RORA: variants seen among roughly 807,000 people sequenced by gnomAD.
RORA encodes the protein RAR related orphan receptor A, also known as nuclear receptor ROR-alpha.
Under a neutral mutation model 69.5 loss-of-function variants are expected in RORA, and 7 were observed. That is an observed-to-expected ratio of 0.10 (90% CI 0.06 to 0.19). The LOEUF is 0.19. RORA is among the 10% of genes least tolerant of loss of function. RORA has a pLI of 1.00. For missense variants in RORA, 457 were observed against 663.0 expected (o/e 0.69, Z 3.41); for synonymous variants, 261 against 240.8 (o/e 1.08, Z -0.78).
chr15:61,155,487 C>A (rs1287585017), intron 1 of RORA, among the ~76,000 whole-genome samples: 1 of 152,132 alleles, frequency 6.6e-6, no homozygotes, highest in Non-Finnish European at 1.5e-5. Flanking sequence ...GTGAGGAAAA[C>A]AGAAGGTTAA....
intron 1 of RORA, among the ~76,000 whole-genome samples, chr15:61,148,770 A>C (rs1236035879): frequency 6.6e-6 from 1 of 152,218 alleles, no homozygotes; most frequent in Non-Finnish European, 1.5e-5. Context: ...GTTAATTTAA[A>C]ATTAGATTAG....
chr15:60,579,945 G>A (rs551683917), intron 2 of RORA, among the ~76,000 whole-genome samples: 27 of 152,158 alleles, frequency 1.8e-4, no homozygotes, highest in Non-Finnish European at 3.1e-4. Context: ...CCTTGAGAAA[G>A]CTGCTTTGTA....
intron 1 of RORA, among the ~76,000 whole-genome samples, chr15:61,063,698 T>C (rs866831471): frequency 5.9e-5 from 9 of 152,210 alleles, no homozygotes; most frequent in Non-Finnish European, 1.2e-4. Flanking sequence ...AGATGGTTCA[T>C]GGGTATAAAG....
intron 1 of RORA, among the ~76,000 whole-genome samples, chr15:60,921,174 C>T (rs1475284958): frequency 6.6e-6 from 1 of 152,200 alleles, no homozygotes; most frequent in African/African-American, 2.4e-5. Flanking sequence ...TGCAATTCCA[C>T]TGCCAGGATA....
At chr15:60,626,564 G>A (rs2069587266) in intron 2 of RORA, among the ~76,000 whole-genome samples, 1 of 152,158 alleles carries the variant, frequency 6.6e-6, no homozygotes, top group East Asian at 1.9e-4. Context: ...CCAGCATGGT[G>A]CTCAGTGCTT....
At chr15:61,136,443 T>C (rs2079241045) in intron 1 of RORA, among the ~76,000 whole-genome samples, 1 of 152,224 alleles carries the variant, frequency 6.6e-6, no homozygotes, top group Non-Finnish European at 1.5e-5. Flanking sequence ...CATCTACAGT[T>C]ATTATCAACA....
At chr15:61,206,972 T>G (rs2079947731) in intron 1 of RORA, among the ~76,000 whole-genome samples, 1 of 152,218 alleles carries the variant, frequency 6.6e-6, no homozygotes, top group African/African-American at 2.4e-5. Flanking sequence ...AAGATATTAC[T>G]GATACTGTTT....
chr15:60,660,607 C>G (rs1448857172), intron 2 of RORA, among the ~76,000 whole-genome samples: 1 of 152,192 alleles, frequency 6.6e-6, no homozygotes, highest in Non-Finnish European at 1.5e-5. Context: ...AAACTGTCAA[C>G]TCCGACTTTT....
chr15:60,819,743 C>CCACA (rs1191801506), intron 1 of RORA, among the ~76,000 whole-genome samples: 6 of 74,780 alleles, frequency 8.0e-5, no homozygotes, highest in African/African-American at 4.2e-4. Flanking sequence ...GAAGTCAAAC[C>CCACA]CAGACACACA....
intron 1 of RORA, among the ~76,000 whole-genome samples, chr15:60,733,736 A>G (rs906683309): frequency 1.3e-5 from 2 of 152,146 alleles, no homozygotes; most frequent in African/African-American, 4.8e-5. Context: ...AGGTATGATA[A>G]TCAAGCATGG....
intron 2 of RORA, chr15:60,547,887 G>A (rs1047366487): frequency 1.3e-5 from 2 of 152,112 alleles, no homozygotes; most frequent in East Asian, 1.9e-4. Context: ...CAATGTTCAC[G>A]TGGAAGTATA....
chr15:60,883,180 G>GAGAGAGAA lies in RORA; in HGVS notation c.167-204495_167-204494insTTCTCTCT, dbSNP rs141598376. Among the ~76,000 whole-genome samples, 488 of 113,974 alleles carry GAGAGAGAA rather than the reference G, an allele frequency of 4.3e-3. 5 individuals are homozygous for GAGAGAGAA. The highest frequency in any genetic ancestry group is 0.016 in the African/African-American group (469 of 29,558). 74.8% of individuals were successfully genotyped at this position (113,974 alleles called of 152,430 possible). On this transcript the variant is annotated intron_variant, in intron 1 of 10. Coordinates refer to ENST00000335670, the MANE Select transcript of RORA (RefSeq NM_134261.3). ...AGAGAGAGAGAGAGAGAGAGAGAGA[G>GAGAGAGAA]AGAAAGAAAGAAAACCTATATAAAA...
At chr15:61,103,434 T>C (rs1294641817) in intron 1 of RORA, among the ~76,000 whole-genome samples, 1 of 152,164 alleles carries the variant, frequency 6.6e-6, no homozygotes, top group African/African-American at 2.4e-5. Context: ...AAATAATCCA[T>C]GGGGTTAAGA....
intron 1 of RORA, among the ~76,000 whole-genome samples, chr15:60,754,059 A>G (rs2071763116): frequency 6.6e-6 from 1 of 152,228 alleles, no homozygotes; most frequent in African/African-American, 2.4e-5. Context: ...AGTCTGAATA[A>G]GGATGATGTT....
chr15:60,838,138 A>G (rs1185784916), intron 1 of RORA, among the ~76,000 whole-genome samples: 3 of 151,994 alleles, frequency 2.0e-5, no homozygotes, highest in African/African-American at 7.3e-5. Context: ...AAGTGGTGGG[A>G]TGAGCTGTGT....
chr15:60,678,736 T>C, intron 1 of RORA, 50 bp from the exon 2 acceptor site: 3 of 1,479,910 alleles, frequency 2.0e-6, no homozygotes, highest in Non-Finnish European at 2.8e-6. Flanking sequence ...CTGTGTGTGC[T>C]GCTTTGAATG....
rs1359393413 is a variant in RORA at position 60,488,386 on chromosome 15, G to A, written c.*9069C>T. 1 of 152,120 alleles carries A rather than the reference G, an allele frequency of 6.6e-6. No individual in the cohort carries two copies. Among genetic ancestry groups the A allele is most frequent in the African/African-American group, 2.4e-5 (1 of 41,414 alleles). 9.4% of individuals were successfully genotyped at this position (152,120 alleles called of 1,614,324 possible). Reference sequence around the variant, plus strand: ...TTAATAAAGGTAATGTAATATTAAAGGTACAGTTTCTAAGTACAATATAAC... The same window carrying A: ...TTAATAAAGGTAATGTAATATTAAAAGTACAGTTTCTAAGTACAATATAAC... On this transcript the variant is annotated 3_prime_UTR_variant, in exon 11 of 11. Coordinates refer to ENST00000335670, the MANE Select transcript of RORA (RefSeq NM_134261.3).
chr15:60,780,006 A>G (rs1248166671), intron 1 of RORA, among the ~76,000 whole-genome samples: 2 of 152,030 alleles, frequency 1.3e-5, no homozygotes, highest in African/African-American at 2.4e-5. Flanking sequence ...TATACATCTC[A>G]TGGAAGTAAG....
At chr15:60,941,940 G>C (rs1346435479) in intron 1 of RORA, among the ~76,000 whole-genome samples, 1 of 152,140 alleles carries the variant, frequency 6.6e-6, no homozygotes, top group East Asian at 1.9e-4. Context: ...GATAATTGTT[G>C]ATCTTTGCAT....
Sources: allele counts gnomAD v4.1 joint callset (sites outside exome capture counted in the v4.1 genomes callset), GRCh38; gene constraint gnomAD v4.1.1; transcripts MANE v1.5; gene names NCBI Gene and HGNC (gene_info 2026-07-23, HGNC 2026-07-21).